Variants in ALDH4A1 observed in about 807,000 individuals in gnomAD.
ALDH4A1 encodes the protein delta-1-pyrroline-5-carboxylate dehydrogenase, mitochondrial.
A neutral mutation model predicts 70.5 loss-of-function variants in ALDH4A1; 46 were observed. The observed-to-expected ratio is 0.65, with a 90% CI of 0.51 to 0.83. The LOEUF (loss-of-function observed/expected upper bound fraction) is 0.83. ALDH4A1 is among the 40% of genes least tolerant of loss of function. The pLI is 0.00. For synonymous variants in ALDH4A1, 323 were observed against 324.3 expected, an observed-to-expected ratio of 1.00 and a Z score of 0.04; for missense variants, 749 against 766.5, an observed-to-expected ratio of 0.98 and a Z score of 0.27.
rs1259104824 is a variant in ALDH4A1, at chr1:18,883,212, C to A, written c.604-14G>T. 6.2e-7 allele frequency: 1 copy of A among 1,613,166 alleles called. No homozygotes were observed. Among genetic ancestry groups the A allele is most frequent in the African/African-American group, 1.3e-5 (1 of 75,074 alleles). On this transcript the variant is annotated splice_polypyrimidine_tract_variant and intron_variant, in intron 6 of 14. Transcript: ENST00000375341. The stretch of plus-strand genomic sequence containing the variant: ...CGCCACGAAGCCCTGGGGAAGGAGG[C>A]AGCGGTGAGATCAGGCCCATGGCAT...
At chr1:18,876,179 C>A (rs757840080) in intron 12 of ALDH4A1, 136 bp downstream of exon 12, 1 of 1,194,826 alleles carries the variant, frequency 8.4e-7, no homozygotes. Context: ...CTCTCCCGGT[C>A]GGAGGCATTC....
rs1935703013 is a variant in ALDH4A1, at chr1:18,898,712, G to A, written c.62+3750C>T. Among the ~76,000 whole-genome samples the A allele has an allele frequency of 6.6e-6, 1 of 152,174 alleles. No individual in the cohort carries two copies. The highest frequency in any genetic ancestry group is 2.4e-5 in the African/African-American group (1 of 41,446). On this transcript the variant is annotated intron_variant, in intron 1 of 14. Transcript: ENST00000375341. The surrounding 1 kb of genome is among the most constrained non-coding windows in gnomAD (Gnocchi z 4.3). The stretch of plus-strand genomic sequence containing the variant: ...TGAGTAACCTGCCCGGGGCCACAGA[G>A]CTGCCAAGAGTTGGAGCCAGGATCC...
chr1:18,874,626 C>T (rs1327517098), intron 13 of ALDH4A1, 45 bp from the exon 14 acceptor site: 2 of 1,591,086 alleles, frequency 1.3e-6, no homozygotes, highest in Non-Finnish European at 1.7e-6. Flanking sequence ...CTCATCTCCC[C>T]TCCAGCCCCA....
chr1:18,874,221 A>G (rs1934571793), intron 14 of ALDH4A1, among the ~76,000 whole-genome samples: 1 of 152,216 alleles, frequency 6.6e-6, no homozygotes, highest in Non-Finnish European at 1.5e-5. Flanking sequence ...GCTGGAGCCA[A>G]AATTACAATC....
chr1:18,885,915 T>A (rs1284255820), intron 4 of ALDH4A1, among the ~76,000 whole-genome samples: 1 of 152,166 alleles, frequency 6.6e-6, no homozygotes, highest in Admixed American at 6.5e-5. Flanking sequence ...TCTCTCATGG[T>A]CTAATCAAAA....
At chr1:18,902,429 G>T in intron 1 of ALDH4A1, 33 bp downstream of exon 1, 1 of 1,312,850 alleles carries the variant, frequency 7.6e-7, no homozygotes, top group Non-Finnish European at 9.7e-7. Context: ...CCAGGCGCGC[G>T]CTCGGGCCGC....
At position 18,876,600 on chromosome 1, in the gene ALDH4A1, C is replaced by T. The variant is rs75333347; in HGVS notation, c.1186-133G>A. The T allele has an allele frequency of 8.7e-4, 905 of 1,041,936 alleles. 7 individuals are homozygous for T. The highest frequency in any genetic ancestry group is 1.9e-3 in the South Asian group (121 of 62,264). 64.5% of individuals were successfully genotyped at this position (1,041,936 alleles called of 1,614,324 possible). A position where few individuals can be genotyped will look rare whatever the true frequency, so the allele number is the denominator to read the frequency against. ...CTGAAACAGGGGCAGGGGTAGGGGA[C>T]GCCAAGGGCAAAAGCCAGGGTCTGG... On this transcript the variant is annotated intron_variant, in intron 11 of 14. Coordinates refer to ENST00000375341, the MANE Select transcript of ALDH4A1 (RefSeq NM_003748.4).
chr1:18,874,431 C>T (rs1286239098), intron 14 of ALDH4A1, 32 bp downstream of exon 14: 1 of 1,594,820 alleles, frequency 6.3e-7, no homozygotes, highest in East Asian at 2.2e-5. Context: ...ACCAGGAACT[C>T]AGCTCCCCTG....
intron 3 of ALDH4A1, 30 bp from the exon 4 acceptor site, chr1:18,886,541 C>A (rs1257110879): frequency 6.2e-7 from 1 of 1,612,528 alleles, no homozygotes; most frequent in Admixed American, 1.7e-5. Context: ...AGGTCCTTGC[C>A]CGGGAGGGAG....
chr1:18,873,927 TG>T (rs780449455), intron 14 of ALDH4A1, among the ~76,000 whole-genome samples: 1 of 152,140 alleles, frequency 6.6e-6, no homozygotes, highest in African/African-American at 2.4e-5. Context: ...CATCTGAAGT[TG>T]GGGGGTCAGT....
In ALDH4A1 at chr1:18,890,405, T is replaced by C. The variant is rs538371846; in HGVS notation, c.63-300A>G. Among the ~76,000 whole-genome samples the C allele has an allele frequency of 3.0e-4, 45 of 152,252 alleles. 1 individual carries two copies. Among genetic ancestry groups the C allele is most frequent in the African/African-American group, 9.1e-4 (38 of 41,554 alleles). ...AAAAATATTTTAAACGTTAGCCAGG[T>C]GTGGTGGCATGTGTGCCTGTAGTCT... On this transcript the variant is annotated intron_variant, in intron 1 of 14. Coordinates refer to ENST00000375341, the MANE Select transcript of ALDH4A1 (RefSeq NM_003748.4).
intron 1 of ALDH4A1, among the ~76,000 whole-genome samples, chr1:18,893,603 A>G (rs1325591152): frequency 1.3e-5 from 2 of 152,096 alleles, no homozygotes; most frequent in South Asian, 2.1e-4. Flanking sequence ...CCCGAATTCA[A>G]GCAATTCTCC....
chr1:18,874,660 C>G, intron 13 of ALDH4A1, 79 bp from the exon 14 acceptor site: 11 of 1,385,774 alleles, frequency 7.9e-6, no homozygotes, highest in Non-Finnish European at 1.1e-5. Flanking sequence ...CACCCCTGCT[C>G]CAGCCCACAC....
At chr1:18,881,679 A>G in intron 8 of ALDH4A1, 21 bp downstream of exon 8, 1 of 1,613,510 alleles carries the variant, frequency 6.2e-7, no homozygotes, top group Non-Finnish European at 8.5e-7. Flanking sequence ...ACCACAGCCT[A>G]CACCATCCCC....
rs373736893 is a variant in ALDH4A1 at position 18,886,454 on chromosome 1, G to A, written c.297+10C>T. ...TAACCCCGGGTCACCAGGCACACAG[G>A]CTCACTCACCTTGTCTGCATAACAG... On this transcript the variant is annotated intron_variant, in intron 4 of 14. Coordinates refer to ENST00000375341, the MANE Select transcript of ALDH4A1 (RefSeq NM_003748.4). The A allele has an allele frequency of 1.6e-4, 251 of 1,614,070 alleles. No homozygotes were observed. The highest frequency in any genetic ancestry group is 1.9e-4 in the Non-Finnish European group (229 of 1,179,932).
In ALDH4A1 at chr1:18,872,876, A is replaced by G; in HGVS notation, c.1661T>C (p.Leu554Pro). ...CATGTACGCGTAGCTCCAGTCCCCCAGGGGCTTATGTGTCTCCTTGATGAC... is the reference window on the plus strand; with the variant it reads ...CATGTACGCGTAGCTCCAGTCCCCCGGGGGCTTATGTGTCTCCTTGATGAC... ...PQVIKETHKP[L>P]GDWSYAYMQ is the part of the protein sequence containing the mutation. Residue 554 changes from leucine to proline, a missense_variant, in exon 15 of 15, where the codon CTG (leucine) becomes CCG (proline). Transcript: ENST00000375341. 22 of 1,614,048 alleles carry G rather than the reference A, an allele frequency of 1.4e-5. No individual in the cohort carries two copies. The highest frequency in any genetic ancestry group is 1.9e-5 in the Non-Finnish European group (22 of 1,180,006).
intron 3 of ALDH4A1, among the ~76,000 whole-genome samples, chr1:18,887,556 A>G (rs9426642): frequency 0.96 from 146,246 of 151,654 alleles, 70,549 homozygotes; most frequent in East Asian, 1. Context: ...CCGAGATCGC[A>G]CCACTGCACT....
chr1:18,872,691 G>A lies in ALDH4A1; in HGVS notation c.*154C>T. ...TCAAACCAGAGCCTGAGGCATGGGA[G>A]AGGCCAGAATACAGTGGTAAGAAGG... On this transcript the variant is annotated 3_prime_UTR_variant, in exon 15 of 15. Coordinates refer to ENST00000375341, the MANE Select transcript of ALDH4A1 (RefSeq NM_003748.4). 3.1e-6 allele frequency: 2 copies of A among 635,386 alleles called. No individual in the cohort carries two copies. Among genetic ancestry groups the A allele is most frequent in the South Asian group, 1.9e-5 (1 of 53,616 alleles). The allele number at this position is 635,386 out of a possible 1,614,324, so 39.4% of individuals were successfully genotyped here. A position where few individuals can be genotyped will look rare whatever the true frequency, so the allele number is the denominator to read the frequency against.
At position 18,877,580 on chromosome 1, in the gene ALDH4A1, G is replaced by C. The variant is rs768179480; in HGVS notation, c.973C>G (p.Arg325Gly). The change falls in exon 10 of 15, where the codon CGC (arginine) becomes GGC (glycine). Residue 325 changes from arginine to glycine, a missense_variant. Transcript: ENST00000375341. ...CGGKNFHFVH[R>G]SADVESVVSG... ...ACCACGCTCTCCACGTCGGCCGAGC[G>C]GTGCACGAAGTGGAAGTTCTTTCCG... 2 of 1,607,410 alleles carry C rather than the reference G, an allele frequency of 1.2e-6. No individual in the cohort carries two copies. Among genetic ancestry groups the C allele is most frequent in the Non-Finnish European group, 1.7e-6 (2 of 1,177,424 alleles).
Sources: gnomAD v4.1 joint callset for allele counts (sites outside exome capture counted in the v4.1 genomes callset) on GRCh38, gnomAD v4.1.1 for gene constraint, Gnocchi (gnomAD v3.1) non-coding constraint, MANE v1.5 for transcripts, NCBI Gene and HGNC (gene_info 2026-07-23, HGNC 2026-07-21) for gene names.